POLH: variants seen among roughly 807,000 people sequenced by gnomAD.
The protein encoded by POLH is DNA polymerase eta transcript.
In POLH, 53 loss-of-function variants were observed where a neutral mutation model predicts 73.6. The observed-to-expected ratio is 0.72, with a 90% CI of 0.58 to 0.91. POLH has a LOEUF of 0.91. Among genes scored for constraint, POLH ranks in the 40% least tolerant of loss-of-function variants. The probability of loss-of-function intolerance (pLI) is 0.00; values close to 1 mark genes in which losing one functional copy is unlikely to be tolerated. For synonymous variants in POLH, 292 were observed against 308.5 expected, an observed-to-expected ratio of 0.95 and a Z score of 0.56; for missense variants, 768 against 865.4, an observed-to-expected ratio of 0.89 and a Z score of 1.41.
At position 43,614,042 on chromosome 6, in the gene POLH, C is replaced by A. The variant is rs1768158492; in HGVS notation, c.1627C>A (p.Gln543Lys). 1.9e-6 allele frequency: 3 copies of A among 1,614,190 alleles called. No homozygotes were observed. In the East Asian group the frequency reaches 6.7e-5, roughly 36 times the overall value. ...KQKSLLLKQK[Q>K]LNNSSVSSPQ... is the part of the protein sequence containing the mutation. The stretch of plus-strand genomic sequence containing the variant: ...GAAAAGTCTGCTTCTAAAGCAGAAA[C>A]AGCTTAATAATTCTTCAGTTTCTTC... The change falls in exon 11 of 11, where the codon CAG becomes AAG. Residue 543 changes from glutamine to lysine, a missense_variant. Gln to Lys is a moderately conservative substitution (Grantham distance 53). Coordinates refer to ENST00000372236, the MANE Select transcript of POLH (RefSeq NM_006502.3).
At chr6:43,607,609 ACT>A (rs1767442213) in intron 9 of POLH, among the ~76,000 whole-genome samples, 2 of 151,926 alleles carry the variant, frequency 1.3e-5, no homozygotes, top group African/African-American at 4.8e-5. Flanking sequence ...TCATATGTTA[ACT>A]CTATGTTTAG....
At chr6:43,579,295 C>T (rs1763749141) in intron 1 of POLH, among the ~76,000 whole-genome samples, 1 of 152,204 alleles carries the variant, frequency 6.6e-6, no homozygotes, top group African/African-American at 2.4e-5. Flanking sequence ...GAATGCTACC[C>T]AGAGAGGCCA....
chr6:43,586,406 G>A (rs914182548), intron 3 of POLH, among the ~76,000 whole-genome samples: 2 of 152,188 alleles, frequency 1.3e-5, no homozygotes, highest in African/African-American at 4.8e-5. Context: ...GCTTGAACCC[G>A]GGAGGTGGAG....
Position 43,603,963 on chromosome 6 carries a change from C to T in POLH, c.836C>T (p.Thr279Ile). ...GGGATAGAATACATGGGTGAACTGA[C>T]CCAGTTCACTGAATCCCAGCTCCAG... ...ILGIEYMGEL[T>I]QFTESQLQSH... The change falls in exon 7 of 11, where the codon ACC becomes ATC. Residue 279 changes from threonine to isoleucine, a missense_variant. Thr to Ile is a moderately conservative substitution (Grantham distance 89). Transcript: ENST00000372236. 6.2e-7 allele frequency: 1 copy of T among 1,609,014 alleles called. No individual in the cohort carries two copies. The highest frequency in any genetic ancestry group is 8.5e-7 in the Non-Finnish European group (1 of 1,175,356).
At chr6:43,601,781 G>A (rs1032357924) in intron 6 of POLH, among the ~76,000 whole-genome samples, 21 of 152,184 alleles carry the variant, frequency 1.4e-4, no homozygotes, top group Admixed American at 7.9e-4. Context: ...TAAATAGGCC[G>A]GGTGCGGTGG....
intron 3 of POLH, among the ~76,000 whole-genome samples, chr6:43,584,921 G>C (rs550458832): frequency 7.7e-4 from 118 of 152,260 alleles, no homozygotes; most frequent in African/African-American, 2.7e-3. Context: ...CAGGAGGATT[G>C]CTTGAGCTCA....
chr6:43,603,754 A>C, intron 6 of POLH, 138 bp from the exon 7 acceptor site: 1 of 813,018 alleles, frequency 1.2e-6, no homozygotes, highest in South Asian at 1.4e-5. Flanking sequence ...CTCCCAGAGT[A>C]ACTGAATTCC....
At chr6:43,590,554 A>G (rs1765347016) in intron 4 of POLH, among the ~76,000 whole-genome samples, 1 of 151,520 alleles carries the variant, frequency 6.6e-6, no homozygotes, top group African/African-American at 2.4e-5. Flanking sequence ...CTCTGCCAGA[A>G]TGAGGTCTTT....
rs1015822554 is a variant in POLH, at chr6:43,616,152, C to T, written c.*1595C>T. Among the ~76,000 whole-genome samples, 93 of 151,864 alleles carry T rather than the reference C, an allele frequency of 6.1e-4. 2 individuals carry two copies. The highest frequency in any genetic ancestry group is 5.7e-3 in the Admixed American group (87 of 15,256). ...AAAATTAGCCGGGTGCGGTGGCAGG[C>T]GCCTGTAGTCCCAGCTACTCGGGAG... is the stretch of plus-strand genomic sequence containing the variant. On this transcript the variant is annotated 3_prime_UTR_variant, in exon 11 of 11. Transcript: ENST00000372236.
Position 43,613,924 on chromosome 6 carries a change from T to C in POLH, c.1509T>C (p.Ala503=). 6.2e-7 allele frequency: 1 copy of C among 1,613,822 alleles called. No individual in the cohort carries two copies. The highest frequency in any genetic ancestry group is 8.5e-7 in the Non-Finnish European group (1 of 1,180,038). Residue 503 remains alanine (A), a synonymous_variant, in exon 11 of 11, where the codon GCT becomes GCC. Transcript: ENST00000372236. ...VKEASLSSLT[A]PTQAPMSNSP... is the part of the protein sequence containing the mutation. Reference sequence around the variant, plus strand: ...AAGCTTCGCTTTCATCTCTTACTGCTCCCACTCAGGCTCCCATGAGCAATT... The same window carrying C: ...AAGCTTCGCTTTCATCTCTTACTGCCCCCACTCAGGCTCCCATGAGCAATT...
intron 4 of POLH, among the ~76,000 whole-genome samples, chr6:43,587,897 C>T (rs1361984101): frequency 6.6e-6 from 1 of 152,072 alleles, no homozygotes; most frequent in Non-Finnish European, 1.5e-5. Context: ...CATGGTGGCG[C>T]GTGCCTGTAA....
chr6:43,579,755 C>T (rs1481277790), intron 1 of POLH, among the ~76,000 whole-genome samples: 1 of 152,136 alleles, frequency 6.6e-6, no homozygotes, highest in East Asian at 1.9e-4. Context: ...ACGCTTTCTC[C>T]AGGTAGATAA....
intron 1 of POLH, among the ~76,000 whole-genome samples, chr6:43,581,339 G>T (rs1299229306): frequency 7.1e-6 from 1 of 141,050 alleles, no homozygotes; most frequent in African/African-American, 2.8e-5. Flanking sequence ...ATGTGATGGC[G>T]GCTGGGAAGA....
intron 10 of POLH, among the ~76,000 whole-genome samples, chr6:43,611,239 C>A (rs1767851808): frequency 6.6e-6 from 1 of 152,214 alleles, no homozygotes; most frequent in South Asian, 2.1e-4. Context: ...TCTGTATTGG[C>A]TTGGTCAGGG....
At chr6:43,579,116 T>C (rs957604500) in intron 1 of POLH, among the ~76,000 whole-genome samples, 3 of 152,182 alleles carry the variant, frequency 2.0e-5, no homozygotes, top group African/African-American at 7.2e-5. Context: ...CTAGCTTTCG[T>C]TATAATGTTG....
chr6:43,597,097 T>C (rs1343073179), intron 4 of POLH, among the ~76,000 whole-genome samples: 2 of 152,130 alleles, frequency 1.3e-5, no homozygotes, highest in Non-Finnish European at 2.9e-5. Context: ...GGGAGATAAA[T>C]GTGTTTACAT....
Position 43,614,478 on chromosome 6 carries a change from C to T in POLH, c.2063C>T (p.Pro688Leu). The change falls in exon 11 of 11, where the codon CCT becomes CTT. Residue 688 changes from proline to leucine, a missense_variant. Transcript: ENST00000372236. Reference protein sequence around the residue: ...SHQGKRNPKSPLACTNKRPRP... With the variant: ...SHQGKRNPKSLLACTNKRPRP... ...CAAGGCAAAAGAAATCCCAAGAGCC[C>T]TTTGGCCTGCACTAATAAACGCCCC... 1 of 1,614,142 alleles carries T rather than the reference C, an allele frequency of 6.2e-7. No homozygotes were observed. Among genetic ancestry groups the T allele is most frequent in the Admixed American group, 1.7e-5 (1 of 60,028 alleles).
Position 43,601,064 on chromosome 6 carries a change from TC to T in POLH, c.738del (p.Phe247SerfsTer16). The T allele has an allele frequency of 6.2e-7, 1 of 1,613,848 alleles. No homozygotes were observed. Among genetic ancestry groups the T allele is most frequent in the Non-Finnish European group, 8.5e-7 (1 of 1,179,750 alleles). ...TLVSHGSVPQ[L>X]FSQMPIRKIR... ...GTTTCACATGGGTCAGTCCCACAGC[TC>T]TTCAGCCAAATGCCCATTCGCAAAA... On this transcript the variant is annotated frameshift_variant, in exon 6 of 11. Transcript: ENST00000372236. LOFTEE classifies it high-confidence loss of function.
intron 9 of POLH, among the ~76,000 whole-genome samples, chr6:43,605,927 T>C (rs954818034): frequency 6.6e-6 from 1 of 152,064 alleles, no homozygotes; most frequent in African/African-American, 2.4e-5. Flanking sequence ...TTCTACCATA[T>C]TGGCCAGGCT....
Sources: gnomAD v4.1 joint callset for allele counts (sites outside exome capture counted in the v4.1 genomes callset) on GRCh38, gnomAD v4.1.1 for gene constraint, MANE v1.5 for transcripts, NCBI Gene and HGNC (gene_info 2026-07-23, HGNC 2026-07-21) for gene names.